The following EXOC6B variants were observed in gnomAD, a reference collection of about 807,000 sequenced individuals.
EXOC6B encodes SEC15 homolog B.
In EXOC6B, 54 loss-of-function variants were observed where a neutral mutation model predicts 113.5. The ratio of observed to expected loss-of-function variants is 0.48; its 90% CI spans 0.38 to 0.60. The LOEUF (loss-of-function observed/expected upper bound fraction) is 0.60, where lower values mean the gene tolerates loss of function less well. Among genes scored for constraint, EXOC6B ranks in the 20% least tolerant of loss-of-function variants. EXOC6B has a pLI of 0.00. For synonymous variants in EXOC6B, 357 were observed against 339.0 expected (o/e 1.05, Z -0.58); for missense variants, 797 against 977.5 (o/e 0.82, Z 2.46).
intron 18 of EXOC6B, among the ~76,000 whole-genome samples, chr2:72,429,066 G>T (rs1181536261): frequency 3.3e-5 from 5 of 152,120 alleles, no homozygotes; most frequent in Admixed American, 3.3e-4. Context: ...GCTCTTTTAA[G>T]GCACAAGCAA....
intron 1 of EXOC6B, among the ~76,000 whole-genome samples, chr2:72,766,332 A>G (rs1683059801): frequency 6.6e-6 from 1 of 152,210 alleles, no homozygotes; most frequent in African/African-American, 2.4e-5. Context: ...AGAAAACACT[A>G]TCCAAAACCT....
At chr2:72,483,945 T>G (rs866687617) in intron 16 of EXOC6B, among the ~76,000 whole-genome samples, 6 of 152,138 alleles carry the variant, frequency 3.9e-5, no homozygotes, top group African/African-American at 1.4e-4. Flanking sequence ...GATCAAATAT[T>G]GATTATCTCT....
chr2:72,544,488 G>T (rs1287664142), intron 8 of EXOC6B, among the ~76,000 whole-genome samples: 3 of 152,100 alleles, frequency 2.0e-5, no homozygotes, highest in African/African-American at 4.8e-5. Context: ...TTTGAGAGCA[G>T]AAAGTGTCCT....
chr2:72,499,958 A>T lies in EXOC6B; in HGVS notation c.1182T>A (p.Asp394Glu). Residue 394 changes from aspartate to glutamate, a missense_variant, in exon 12 of 22, where the codon GAT becomes GAA. Asp to Glu is a conservative substitution (Grantham distance 45, BLOSUM62 2). Transcript: ENST00000272427. ...TCTTCAAATCTAACACAAGGTTTGG[A>T]TCAGAACAGTAAGACTAAAGTAAAT... The part of the protein sequence containing the change: ...ALRTHSSYCS[D>E]PNLVLDLKNL... 1 of 1,550,842 alleles carries T rather than the reference A, an allele frequency of 6.4e-7. No individual in the cohort carries two copies. The highest frequency in any genetic ancestry group is 8.7e-7 in the Non-Finnish European group (1 of 1,145,544).
Position 72,243,883 on chromosome 2 carries a change from C to G in EXOC6B, c.2197-59696G>C, listed in dbSNP as rs556352971. Among the ~76,000 whole-genome samples the G allele has an allele frequency of 2.0e-5, 3 of 152,202 alleles. 1 individual carries two copies. The highest frequency in any genetic ancestry group is 7.2e-5 in the African/African-American group (3 of 41,542). On this transcript the variant is annotated intron_variant, in intron 20 of 21. Coordinates refer to ENST00000272427, the MANE Select transcript of EXOC6B (RefSeq NM_015189.3). ...TCTTTAGCATGTATCCACCTAAGAA[C>G]AGAATGTAAAAAGTACATTTGGCAA...
chr2:72,732,854 G>A (rs1245247285), intron 3 of EXOC6B, among the ~76,000 whole-genome samples: 1 of 152,140 alleles, frequency 6.6e-6, no homozygotes, highest in East Asian at 1.9e-4. Flanking sequence ...ACAAGTCGAT[G>A]ATTTAAAAGC....
intron 6 of EXOC6B, among the ~76,000 whole-genome samples, chr2:72,645,085 G>A (rs531812419): frequency 9.9e-5 from 15 of 152,192 alleles, no homozygotes; most frequent in African/African-American, 3.6e-4. Flanking sequence ...CAAAAGGATG[G>A]AGAAAGATTT....
chr2:72,639,375 CT>C (rs1400120662), intron 6 of EXOC6B, among the ~76,000 whole-genome samples: 1 of 152,188 alleles, frequency 6.6e-6, no homozygotes, highest in Non-Finnish European at 1.5e-5. Context: ...CACCCTGCCC[CT>C]GATCCAACAC....
intron 8 of EXOC6B, among the ~76,000 whole-genome samples, chr2:72,531,699 T>C (rs993765763): frequency 3.3e-5 from 5 of 152,092 alleles, no homozygotes; most frequent in African/African-American, 7.2e-5. Context: ...AAGAATGCCA[T>C]AGCAGGCCAG....
At chr2:72,231,078 A>G (rs1233972163) in intron 20 of EXOC6B, among the ~76,000 whole-genome samples, 1 of 152,180 alleles carries the variant, frequency 6.6e-6, no homozygotes, top group Admixed American at 6.5e-5. Context: ...ACCCATGAAA[A>G]GTAGAATCCA....
intron 6 of EXOC6B, among the ~76,000 whole-genome samples, chr2:72,651,113 C>G (rs1187504631): frequency 6.6e-6 from 1 of 152,134 alleles, no homozygotes; most frequent in Non-Finnish European, 1.5e-5. Flanking sequence ...CACTATGGAC[C>G]CGCAATTACA....
intron 18 of EXOC6B, among the ~76,000 whole-genome samples, chr2:72,434,681 G>A (rs545458401): frequency 5.2e-4 from 79 of 152,308 alleles, no homozygotes; most frequent in African/African-American, 1.8e-3. Flanking sequence ...AGATTTTCTA[G>A]TTTATTTGCG....
Position 72,680,698 on chromosome 2 carries a change from G to A in EXOC6B, c.669+37405C>T, listed in dbSNP as rs946249767. ...AGGTTGCAGTGAGCTGAGATCTTGC[G>A]ACTGCACTACGGCGTGGGTGACAGA... On this transcript the variant is annotated intron_variant, in intron 6 of 21. Transcript: ENST00000272427. Among the ~76,000 whole-genome samples, 8 of 150,910 alleles carry A rather than the reference G, an allele frequency of 5.3e-5. No homozygotes were observed. In the East Asian group the frequency reaches 5.8e-4, roughly 11 times the overall value.
intron 6 of EXOC6B, among the ~76,000 whole-genome samples, chr2:72,716,947 A>C (rs572547337): frequency 1.1e-3 from 171 of 152,306 alleles, no homozygotes; most frequent in Non-Finnish European, 1.9e-3. Context: ...CAATCACAAT[A>C]AAGACTTATC....
At chr2:72,436,687 A>G (rs666361) in intron 18 of EXOC6B, among the ~76,000 whole-genome samples, 20,640 of 151,756 alleles carry the variant, frequency 0.14, 1,724 homozygotes, top group African/African-American at 0.24. Flanking sequence ...CTGCTTGATC[A>G]ATTCGGCTAA....
intron 1 of EXOC6B, among the ~76,000 whole-genome samples, chr2:72,772,519 A>G (rs1683462870): frequency 2.0e-5 from 3 of 152,096 alleles, no homozygotes; most frequent in Admixed American, 2.0e-4. Flanking sequence ...GTCATTGTGG[A>G]TCCAAGCTTC....
chr2:72,326,106 C>A (rs1688111363), intron 20 of EXOC6B, among the ~76,000 whole-genome samples: 1 of 151,994 alleles, frequency 6.6e-6, no homozygotes, highest in Non-Finnish European at 1.5e-5. Flanking sequence ...TAAGGGTCCT[C>A]TAGTAGAAAG....
chr2:72,272,453 C>T (rs903300060), intron 20 of EXOC6B, among the ~76,000 whole-genome samples: 1 of 152,072 alleles, frequency 6.6e-6, no homozygotes, highest in Non-Finnish European at 1.5e-5. Flanking sequence ...GGGTGTTAAG[C>T]AAAGGGGACT....
In EXOC6B at chr2:72,774,004, A is replaced by C. The variant is rs896356140; in HGVS notation, c.114-32535T>G. Among the ~76,000 whole-genome samples, 2 of 152,254 alleles carry C rather than the reference A, an allele frequency of 1.3e-5. 1 individual carries two copies. The highest frequency in any genetic ancestry group is 4.1e-4 in the South Asian group (2 of 4,834). On this transcript the variant is annotated intron_variant, in intron 1 of 21. Coordinates refer to ENST00000272427, the MANE Select transcript of EXOC6B (RefSeq NM_015189.3). Reference sequence around the variant, plus strand: ...ATCAGTAAATTTTTTGTACCTTGTTACATTAAAACCCATTAGTCTATGTTA... The same window carrying C: ...ATCAGTAAATTTTTTGTACCTTGTTCCATTAAAACCCATTAGTCTATGTTA...
Sources: gnomAD v4.1 joint callset for allele counts (sites outside exome capture counted in the v4.1 genomes callset) on GRCh38, gnomAD v4.1.1 for gene constraint, MANE v1.5 for transcripts, NCBI Gene and HGNC (gene_info 2026-07-23, HGNC 2026-07-21) for gene names.